The following PARD3B variants were observed in gnomAD, a reference collection of about 807,000 sequenced individuals.
PARD3B encodes par-3 family cell polarity regulator beta, also known as partitioning defective 3 homolog B.
PARD3B carries 103 observed loss-of-function variants against 130.2 expected under a neutral mutation model. The ratio of observed to expected loss-of-function variants is 0.79; its 90% CI spans 0.67 to 0.93. The LOEUF is 0.93. Ranked by LOEUF, PARD3B falls within the 40% of genes least tolerant of loss-of-function variation. The pLI is 0.00. For synonymous variants in PARD3B, 583 were observed against 553.2 expected, an observed-to-expected ratio of 1.05 and a Z score of -0.76; for missense variants, 1,609 against 1,499.2, an observed-to-expected ratio of 1.07 and a Z score of -1.21.
chr2:204,605,613 T>A (rs2033685956), intron 1 of PARD3B, among the ~76,000 whole-genome samples: 1 of 152,100 alleles, frequency 6.6e-6, no homozygotes. Context: ...AGTGTAGAGG[T>A]TAATATCATG....
At chr2:205,095,501 C>T (rs1233164442) in intron 4 of PARD3B, among the ~76,000 whole-genome samples, 3 of 152,052 alleles carry the variant, frequency 2.0e-5, no homozygotes, top group Non-Finnish European at 4.4e-5. Context: ...GGGAGAAGTG[C>T]ACCCACTGGT....
At position 204,906,356 on chromosome 2, in the gene PARD3B, G is replaced by A. The variant is rs1261481631; in HGVS notation, c.223-58796G>A. ...TGTCATCACATAAACAGTGAAAATT[G>A]TAGTTAGAATGCTAAAGCCCATTTT... On this transcript the variant is annotated intron_variant, in intron 2 of 22. Coordinates refer to ENST00000406610, the MANE Select transcript of PARD3B (RefSeq NM_001302769.2). The surrounding 1 kb of genome is among the most constrained non-coding windows in gnomAD (Gnocchi z 4.3). Among the ~76,000 whole-genome samples the A allele has an allele frequency of 6.6e-6, 1 of 152,134 alleles. No individual in the cohort carries two copies. The highest frequency in any genetic ancestry group is 1.5e-5 in the Non-Finnish European group (1 of 68,018).
intron 18 of PARD3B, among the ~76,000 whole-genome samples, chr2:205,306,153 GCAGC>G (rs575874990): frequency 2.1e-4 from 32 of 152,242 alleles, no homozygotes; most frequent in Admixed American, 8.5e-4. Context: ...AGGAATGTAG[GCAGC>G]CTCTAGAAAC....
intron 4 of PARD3B, among the ~76,000 whole-genome samples, chr2:205,068,118 A>G (rs1313424756): frequency 4.6e-5 from 7 of 152,170 alleles, no homozygotes; most frequent in East Asian, 1.9e-4. Flanking sequence ...TATATTTTCT[A>G]TGAACACCTG....
At chr2:204,886,414 A>C (rs1403447401) in intron 2 of PARD3B, among the ~76,000 whole-genome samples, 1 of 152,218 alleles carries the variant, frequency 6.6e-6, no homozygotes, top group Non-Finnish European at 1.5e-5. Flanking sequence ...TCCAGTAAAT[A>C]TTGGAAATGT....
intron 4 of PARD3B, among the ~76,000 whole-genome samples, chr2:205,053,521 T>A (rs1395061947): frequency 6.6e-6 from 1 of 151,580 alleles, no homozygotes; most frequent in Non-Finnish European, 1.5e-5. Flanking sequence ...GTGCCTGTAA[T>A]CCCAAGCACT....
intron 15 of PARD3B, among the ~76,000 whole-genome samples, chr2:205,210,037 T>C (rs1362340406): frequency 6.6e-6 from 1 of 151,754 alleles, no homozygotes; most frequent in Non-Finnish European, 1.5e-5. Flanking sequence ...ACCTACTAAG[T>C]ACACACAAAA....
intron 18 of PARD3B, among the ~76,000 whole-genome samples, chr2:205,320,209 A>T (rs2042703264): frequency 7.8e-6 from 1 of 128,044 alleles, no homozygotes; most frequent in African/African-American, 2.9e-5. Context: ...GAAGGGAGGG[A>T]AGGGTGGGGG....
intron 2 of PARD3B, among the ~76,000 whole-genome samples, chr2:204,863,799 G>A (rs2045307444): frequency 6.6e-6 from 1 of 152,180 alleles, no homozygotes; most frequent in Admixed American, 6.5e-5. Flanking sequence ...AAGACAGAGA[G>A]TATTCCCAAA....
intron 4 of PARD3B, among the ~76,000 whole-genome samples, chr2:205,074,779 C>G (rs1224440326): frequency 1.3e-5 from 2 of 152,052 alleles, no homozygotes; most frequent in African/African-American, 2.4e-5. Flanking sequence ...CACAGGCGCT[C>G]AAAAGAAAAC....
At chr2:205,511,818 G>A (rs2050599642) in intron 21 of PARD3B, among the ~76,000 whole-genome samples, 2 of 152,176 alleles carry the variant, frequency 1.3e-5, no homozygotes, top group Non-Finnish European at 2.9e-5. Flanking sequence ...AGCCATGTTT[G>A]TGTTCAGATC....
intron 2 of PARD3B, among the ~76,000 whole-genome samples, chr2:204,740,017 T>G (rs1034399598): frequency 6.6e-6 from 1 of 152,014 alleles, no homozygotes; most frequent in African/African-American, 2.4e-5. Context: ...TTTTGTTTTT[T>G]CTTTTTTGTG....
At chr2:205,171,929 C>T (rs2035196094) in intron 11 of PARD3B, among the ~76,000 whole-genome samples, 1 of 152,112 alleles carries the variant, frequency 6.6e-6, no homozygotes, top group African/African-American at 2.4e-5. Flanking sequence ...AGCATGCTTG[C>T]CAAAGATTTA....
At chr2:204,823,099 C>T (rs541330720) in intron 2 of PARD3B, among the ~76,000 whole-genome samples, 18 of 152,156 alleles carry the variant, frequency 1.2e-4, no homozygotes, top group African/African-American at 2.9e-4. Flanking sequence ...TGCAGAATGA[C>T]GGGTCTTGCA....
At chr2:205,535,844 T>A (rs912564292) in intron 21 of PARD3B, among the ~76,000 whole-genome samples, 3 of 152,180 alleles carry the variant, frequency 2.0e-5, no homozygotes, top group Non-Finnish European at 4.4e-5. Flanking sequence ...TAGAAACACA[T>A]TAAAGTGTTG....
intron 11 of PARD3B, among the ~76,000 whole-genome samples, chr2:205,163,983 T>G (rs1332294822): frequency 6.6e-6 from 1 of 152,222 alleles, no homozygotes; most frequent in African/African-American, 2.4e-5. Flanking sequence ...AATGTGAGAA[T>G]GTCAAAATGC....
chr2:204,725,199 A>G (rs2039169186), intron 2 of PARD3B, among the ~76,000 whole-genome samples: 1 of 152,184 alleles, frequency 6.6e-6, no homozygotes, highest in Non-Finnish European at 1.5e-5. Flanking sequence ...ACTTAATCAG[A>G]CAGTAGAGGG....
At chr2:205,340,109 C>T (rs2043465848) in intron 18 of PARD3B, among the ~76,000 whole-genome samples, 1 of 152,124 alleles carries the variant, frequency 6.6e-6, no homozygotes, top group South Asian at 2.1e-4. Context: ...GTTAAATGCT[C>T]TCTAAGCTCC....
chr2:205,303,441 C>T (rs1403596062), intron 18 of PARD3B, among the ~76,000 whole-genome samples: 1 of 152,184 alleles, frequency 6.6e-6, no homozygotes, highest in Admixed American at 6.5e-5. Context: ...ACCCCTGAGT[C>T]TCCTTACCCC....
Sources: allele counts gnomAD v4.1 joint callset (sites outside exome capture counted in the v4.1 genomes callset), GRCh38; gene constraint gnomAD v4.1.1; non-coding constraint Gnocchi (gnomAD v3.1); transcripts MANE v1.5; gene names NCBI Gene and HGNC (gene_info 2026-07-23, HGNC 2026-07-21).